CFAP54: variants seen among roughly 807,000 people sequenced by gnomAD.
The protein encoded by CFAP54 is cilia- and flagella-associated protein 54.
Under a neutral mutation model 370.4 loss-of-function variants are expected in CFAP54, and 290 were observed. That is an observed-to-expected ratio of 0.78 (90% CI 0.71 to 0.86). The LOEUF (loss-of-function observed/expected upper bound fraction) is 0.86, where lower values mean the gene tolerates loss of function less well. Among genes scored for constraint, CFAP54 ranks in the 40% least tolerant of loss-of-function variants. The pLI, the probability that CFAP54 is intolerant of heterozygous loss-of-function variation, is 0.00. For missense variants in CFAP54, 3,399 were observed against 3,528.7 expected, an observed-to-expected ratio of 0.96 and a Z score of 0.93; for synonymous variants, 1,206 against 1,236.5, an observed-to-expected ratio of 0.98 and a Z score of 0.52.
chr12:96,554,789 G>A lies in CFAP54; in HGVS notation c.2397G>A (p.Leu799=), dbSNP rs1215724255. Reference sequence around the variant, plus strand: ...AGCATCGAATAGCTGTTGTGCTTCTGGACAAATTGCAAGGTAGTAGTCACT... The same window carrying A: ...AGCATCGAATAGCTGTTGTGCTTCTAGACAAATTGCAAGGTAGTAGTCACT... ...QAQHRIAVVL[L]DKLQVLQTPT... The change falls in exon 17 of 68, where the codon CTG becomes CTA. Residue 799 remains leucine (L), a synonymous_variant. Transcript: ENST00000524981. The A allele has an allele frequency of 2.0e-6, 3 of 1,533,438 alleles. No homozygotes were observed. The highest frequency in any genetic ancestry group is 2.6e-6 in the Non-Finnish European group (3 of 1,145,264). 95.0% of individuals were successfully genotyped at this position (1,533,438 alleles called of 1,614,324 possible). A position where few individuals can be genotyped will look rare whatever the true frequency, so the allele number is the denominator to read the frequency against.
intron 32 of CFAP54, among the ~76,000 whole-genome samples, chr12:96,643,090 A>C (rs944424765): frequency 6.6e-5 from 10 of 152,184 alleles, no homozygotes; most frequent in African/African-American, 2.4e-4. Context: ...ACATGGGGAC[A>C]AGATTGATTT....
Position 96,644,188 on chromosome 12 carries a change from A to C in CFAP54, c.4327A>C (p.Thr1443Pro). ...TTTCTCCCTTGGCAGAAATAGGAGAACCAGTGTTAGGAAAGCAGCACAACG... is the reference window on the plus strand; with the variant it reads ...TTTCTCCCTTGGCAGAAATAGGAGACCCAGTGTTAGGAAAGCAGCACAACG... Reference protein sequence around the residue: ...EMVAHERNRRTSVRKAAQRYL... With the variant: ...EMVAHERNRRPSVRKAAQRYL... Residue 1443 changes from threonine (T) to proline (P), a missense_variant, in exon 33 of 68, where the codon ACC (threonine) becomes CCC (proline). Around this residue, in one of 3 missense-constraint regions of CFAP54, gnomAD observed 2,796 missense variants for 2,869.7 expected, o/e 0.97. Transcript: ENST00000524981. The C allele has an allele frequency of 1.3e-6, 2 of 1,531,574 alleles. No homozygotes were observed. The highest frequency in any genetic ancestry group is 1.7e-6 in the Non-Finnish European group (2 of 1,143,700). The allele number at this position is 1,531,574 out of a possible 1,614,324, so 94.9% of individuals were successfully genotyped here. A position where few individuals can be genotyped will look rare whatever the true frequency, so the allele number is the denominator to read the frequency against.
intron 8 of CFAP54, among the ~76,000 whole-genome samples, chr12:96,523,798 C>T (rs1214331746): frequency 6.6e-6 from 1 of 151,872 alleles, no homozygotes; most frequent in African/African-American, 2.4e-5. Flanking sequence ...AACAGTTATC[C>T]TGGTAGCAAA....
At chr12:96,626,398 A>G (rs1592892319) in intron 29 of CFAP54, among the ~76,000 whole-genome samples, 1 of 152,026 alleles carries the variant, frequency 6.6e-6, no homozygotes, top group African/African-American at 2.4e-5. Flanking sequence ...AAAACAAAAA[A>G]AAAAAAGAAA....
At position 96,540,954 on chromosome 12, in the gene CFAP54, G is replaced by A; in HGVS notation, c.2044G>A (p.Gly682Arg). 1 of 1,509,470 alleles carries A rather than the reference G, an allele frequency of 6.6e-7. No homozygotes were observed. The highest frequency in any genetic ancestry group is 1.4e-5 in the African/African-American group (1 of 71,858). The allele number at this position is 1,509,470 out of a possible 1,614,324, so 93.5% of individuals were successfully genotyped here. A position where few individuals can be genotyped will look rare whatever the true frequency, so the allele number is the denominator to read the frequency against. Reference sequence around the variant, plus strand: ...GTTAAGTGAAATATTGGAATCTTTAGGAAGCCCAGGAAGAAAATTTAAACA... The same window carrying A: ...GTTAAGTGAAATATTGGAATCTTTAAGAAGCCCAGGAAGAAAATTTAAACA... ...LRLSEILESL[G>R]SPGRKFKQSL... The change falls in exon 14 of 68, where the codon GGA becomes AGA. Residue 682 changes from glycine (G) to arginine (R), a missense_variant. Coordinates refer to ENST00000524981, the MANE Select transcript of CFAP54 (RefSeq NM_001306084.2).
chr12:96,802,786 C>A (rs1376401919), intron 63 of CFAP54, among the ~76,000 whole-genome samples: 1 of 152,080 alleles, frequency 6.6e-6, no homozygotes, highest in East Asian at 1.9e-4. Context: ...GGTTTTAAGA[C>A]CCACATGCAT....
intron 44 of CFAP54, among the ~76,000 whole-genome samples, chr12:96,692,286 A>G (rs533080891): frequency 6.6e-6 from 1 of 152,152 alleles, no homozygotes; most frequent in East Asian, 1.9e-4. Flanking sequence ...TGCCCCTCTC[A>G]CTGTTAAAGG....
chr12:96,506,978 C>T lies in CFAP54; in HGVS notation c.618C>T (p.Asp206=). The change falls in exon 4 of 68, where the codon GAC becomes GAT. Residue 206 remains aspartate (D), a synonymous_variant. Coordinates refer to ENST00000524981, the MANE Select transcript of CFAP54 (RefSeq NM_001306084.2). ...TGTGCAACTACCAGCTGGTCTGCGA[C>T]AGTGATGAAAACCTGAAGAATAAAG... ...KNMCNYQLVC[D]SDENLKNKES... is the part of the protein sequence containing the mutation. 2.0e-6 allele frequency: 3 copies of T among 1,535,740 alleles called. No individual in the cohort carries two copies. Among genetic ancestry groups the T allele is most frequent in the Non-Finnish European group, 2.6e-6 (3 of 1,146,780 alleles).
chr12:96,853,756 C>T (rs1959621985), intron 66 of CFAP54, among the ~76,000 whole-genome samples: 1 of 152,044 alleles, frequency 6.6e-6, no homozygotes, highest in Non-Finnish European at 1.5e-5. Context: ...TTTGTGTTCT[C>T]CTGAGAACCA....
At chr12:96,526,517 T>C (rs149853984) in intron 8 of CFAP54, among the ~76,000 whole-genome samples, 67 of 152,316 alleles carry the variant, frequency 4.4e-4, no homozygotes, top group African/African-American at 1.2e-3. Context: ...TAAACACTTA[T>C]TAAAAGTGTC....
intron 50 of CFAP54, among the ~76,000 whole-genome samples, chr12:96,728,957 G>A (rs2136623467): frequency 6.6e-6 from 1 of 152,306 alleles, no homozygotes; most frequent in Non-Finnish European, 1.5e-5. Flanking sequence ...GACCCTGTTT[G>A]CCTGGGTATC....
intron 15 of CFAP54, among the ~76,000 whole-genome samples, chr12:96,552,832 C>T (rs1490316324): frequency 1.3e-5 from 2 of 152,294 alleles, no homozygotes; most frequent in East Asian, 3.9e-4. Flanking sequence ...AAACCTGGAA[C>T]TATATTTCCA....
In CFAP54 at chr12:96,650,146, T is replaced by C. The variant is rs1247238679; in HGVS notation, c.4872+74T>C. ...CACCAACTTGGGCGTTTAAGATACA[T>C]TGTGTTTATTTTCTTATTATACATA... On this transcript the variant is annotated intron_variant, in intron 35 of 67. Coordinates refer to ENST00000524981, the MANE Select transcript of CFAP54 (RefSeq NM_001306084.2). 4.0e-6 allele frequency: 5 copies of C among 1,244,462 alleles called. No homozygotes were observed. In the East Asian group the frequency reaches 7.1e-5, roughly 18 times the overall value. 77.1% of individuals were successfully genotyped at this position (1,244,462 alleles called of 1,614,324 possible).
intron 26 of CFAP54, among the ~76,000 whole-genome samples, chr12:96,603,016 T>C (rs868036874): frequency 6.6e-6 from 1 of 152,230 alleles, no homozygotes; most frequent in Non-Finnish European, 1.5e-5. Flanking sequence ...TAGCTGTTTA[T>C]TTTGCCCGTT....
At chr12:96,544,410 A>ATCTCTCTCTCTCTCTC (rs71068815) in intron 14 of CFAP54, among the ~76,000 whole-genome samples, 6 of 148,118 alleles carry the variant, frequency 4.1e-5, no homozygotes, top group African/African-American at 1.2e-4. Flanking sequence ...AAAACAGAAT[A>ATCTCTCTCTCTCTCTC]TCTCTCTCTC....
At chr12:96,829,139 G>T in intron 66 of CFAP54, 51 bp downstream of exon 66, 1 of 1,015,544 alleles carries the variant, frequency 9.8e-7, no homozygotes. Flanking sequence ...AAGTATTATT[G>T]CTATGAAATG....
chr12:96,564,901 A>C, intron 19 of CFAP54, 136 bp downstream of exon 19: 1 of 414,824 alleles, frequency 2.4e-6, no homozygotes, highest in Non-Finnish European at 4.2e-6. Flanking sequence ...TATATAATTC[A>C]TCCTGACCAG....
At chr12:96,729,701 G>GC (rs1957894728) in intron 50 of CFAP54, among the ~76,000 whole-genome samples, 1 of 152,172 alleles carries the variant, frequency 6.6e-6, no homozygotes, top group East Asian at 1.9e-4. Context: ...CCACTGTCCT[G>GC]CGCCCACTGT....
chr12:96,736,352 T>C (rs1039590638), intron 50 of CFAP54, among the ~76,000 whole-genome samples: 6 of 152,304 alleles, frequency 3.9e-5, no homozygotes, highest in Non-Finnish European at 5.9e-5. Flanking sequence ...AGCACAAGAC[T>C]GTCTCTTGCT....
Sources: allele counts gnomAD v4.1 joint callset (sites outside exome capture counted in the v4.1 genomes callset), GRCh38; gene constraint gnomAD v4.1.1; regional missense constraint gnomAD v4.1.1; transcripts MANE v1.5; gene names NCBI Gene and HGNC (gene_info 2026-07-23, HGNC 2026-07-21).